PIWIL1: variants seen among roughly 807,000 people sequenced by gnomAD.
PIWIL1 encodes piwi-like protein 1.
PIWIL1 carries 73 observed loss-of-function variants against 114.4 expected under a neutral mutation model. The ratio of observed to expected loss-of-function variants is 0.64; its 90% CI spans 0.53 to 0.78. The LOEUF (loss-of-function observed/expected upper bound fraction) is 0.78, where lower values mean the gene tolerates loss of function less well. PIWIL1 is among the 30% of genes least tolerant of loss of function. The pLI is 0.00. For missense variants in PIWIL1, 723 were observed against 1,063.1 expected, an observed-to-expected ratio of 0.68 and a Z score of 4.45; for synonymous variants, 375 against 369.0, an observed-to-expected ratio of 1.02 and a Z score of -0.19.
At chr12:130,348,729 C>T (rs1052216837) in intron 7 of PIWIL1, among the ~76,000 whole-genome samples, 12 of 152,072 alleles carry the variant, frequency 7.9e-5, no homozygotes, top group African/African-American at 2.9e-4. Context: ...GATGAAACCC[C>T]GTCTCTACTA....
the PIWIL1 span, among the ~76,000 whole-genome samples, chr12:130,419,083 G>A: frequency 6.6e-6 from 1 of 152,232 alleles, no homozygotes; most frequent in Non-Finnish European, 1.5e-5. This position sits in a 1 kb window ranked among gnomAD's most constrained non-coding sequence, Gnocchi z 4.3. Context: ...TGCACTGGAT[G>A]TGTTATGAGC....
the PIWIL1 span, chr12:130,396,261 A>G: frequency 6.5e-6 from 1 of 152,828 alleles, no homozygotes; most frequent in East Asian, 1.9e-4. Flanking sequence ...CTATTATATT[A>G]CAATTTATAA....
the PIWIL1 span, among the ~76,000 whole-genome samples, chr12:130,402,174 A>AGC: frequency 6.6e-6 from 1 of 152,120 alleles, no homozygotes; most frequent in South Asian, 2.1e-4. Context: ...TGACGACGGG[A>AGC]CTTGCTCGCG....
rs892468111 is a variant in PIWIL1, at chr12:130,372,230, A to G, written c.*632A>G. ...TTAAGACTCTTTAACAAAAAAGGCC[A>G]TGAGTAAATCTCTATATTAACATTA... On this transcript the variant is annotated 3_prime_UTR_variant, in exon 21 of 21. Transcript: ENST00000245255. 2 of 152,194 alleles carry G rather than the reference A, an allele frequency of 1.3e-5. No individual in the cohort carries two copies. Among genetic ancestry groups the G allele is most frequent in the Non-Finnish European group, 2.9e-5 (2 of 68,032 alleles). The allele number at this position is 152,194 out of a possible 1,614,324, so 9.4% of individuals were successfully genotyped here. A position where few individuals can be genotyped will look rare whatever the true frequency, so the allele number is the denominator to read the frequency against.
chr12:130,353,366 G>T (rs909777895), intron 9 of PIWIL1, among the ~76,000 whole-genome samples: 1 of 149,262 alleles, frequency 6.7e-6, no homozygotes, highest in Non-Finnish European at 1.5e-5. Flanking sequence ...TGTTCTTCTG[G>T]TGTGCTCAGT....
the PIWIL1 span, chr12:130,407,630 T>G: frequency 6.3e-6 from 6 of 952,260 alleles, no homozygotes; most frequent in Non-Finnish European, 6.9e-6. Context: ...AGAGAAGGAA[T>G]GAGGAGGTGA....
the PIWIL1 span, chr12:130,424,923 C>G: frequency 1.0e-6 from 1 of 994,180 alleles, no homozygotes; most frequent in South Asian, 5.2e-5. This position sits in a 1 kb window ranked among gnomAD's most constrained non-coding sequence, Gnocchi z 9.8. Context: ...AAGTGGGGGC[C>G]AGGGGAGGAA....
the PIWIL1 span, among the ~76,000 whole-genome samples, chr12:130,393,664 T>C: frequency 2.8e-4 from 43 of 152,286 alleles, no homozygotes; most frequent in African/African-American, 9.4e-4. Flanking sequence ...GATTTTTTTG[T>C]GAATTTACCA....
the PIWIL1 span, among the ~76,000 whole-genome samples, chr12:130,393,964 A>C: frequency 6.6e-6 from 1 of 152,088 alleles, no homozygotes; most frequent in African/African-American, 2.4e-5. Flanking sequence ...CAGCTAGTGA[A>C]GTTGGGCATT....
the PIWIL1 span, among the ~76,000 whole-genome samples, chr12:130,421,355 T>C: frequency 2.0e-5 from 3 of 152,340 alleles, no homozygotes; most frequent in African/African-American, 4.8e-5. Flanking sequence ...TAAGGATCTT[T>C]AACATTGCAT....
the PIWIL1 span, among the ~76,000 whole-genome samples, chr12:130,423,313 G>GGCTGCGGGCT: frequency 6.6e-6 from 1 of 152,220 alleles, no homozygotes; most frequent in Non-Finnish European, 1.5e-5. Flanking sequence ...GGGCAGGGGA[G>GGCTGCGGGCT]GCTGCGGGCT....
intron 19 of PIWIL1, 26 bp downstream of exon 19, chr12:130,367,284 G>A (rs2073686110): frequency 6.3e-7 from 1 of 1,591,744 alleles, no homozygotes; most frequent in Non-Finnish European, 8.6e-7. Flanking sequence ...TGAGCTGAAG[G>A]TTGTTTTCTC....
chr12:130,349,537 T>C (rs1423320848), intron 8 of PIWIL1, 101 bp downstream of exon 8: 22 of 798,720 alleles, frequency 2.8e-5, no homozygotes. Context: ...AATTGAGTGG[T>C]GGGAATAGCA....
At chr12:130,396,011 T>TG in the PIWIL1 span, 4 of 35,910 alleles carry the variant, frequency 1.1e-4, no homozygotes, top group South Asian at 1.2e-3. Context: ...AAATTATTTT[T>TG]GGAAAAAAAA....
At chr12:130,405,258 CAT>C in the PIWIL1 span, among the ~76,000 whole-genome samples, 25 of 152,310 alleles carry the variant, frequency 1.6e-4, 1 homozygote, top group East Asian at 4.4e-3. Flanking sequence ...ATTTGAAACA[CAT>C]GTGACAAAGT....
intron 1 of PIWIL1, among the ~76,000 whole-genome samples, chr12:130,340,638 AGGGGGGGTGGGG>A (rs2072889038): frequency 3.2e-4 from 1 of 3,158 alleles, no homozygotes; most frequent in Admixed American, 3.5e-3. Context: ...TGGTTGGGGG[AGGGGGGGTGGGG>A]GGAGGGGGGT....
the PIWIL1 span, among the ~76,000 whole-genome samples, chr12:130,392,280 A>G: frequency 6.7e-6 from 1 of 149,644 alleles, no homozygotes; most frequent in African/African-American, 2.5e-5. Context: ...TACCTGGTGA[A>G]TATTGAACGT....
chr12:130,409,146 C>T, the PIWIL1 span, among the ~76,000 whole-genome samples: 1 of 152,160 alleles, frequency 6.6e-6, no homozygotes, highest in African/African-American at 2.4e-5. Flanking sequence ...AAGGCTCACT[C>T]TTCCCAGCGT....
the PIWIL1 span, among the ~76,000 whole-genome samples, chr12:130,385,406 C>CT: frequency 1.3e-5 from 2 of 152,214 alleles, no homozygotes; most frequent in Non-Finnish European, 2.9e-5. Flanking sequence ...AGTTCATTTG[C>CT]TGTGCTGCTT....
Sources: allele counts gnomAD v4.1 joint callset (sites outside exome capture counted in the v4.1 genomes callset), GRCh38; gene constraint gnomAD v4.1.1; non-coding constraint Gnocchi (gnomAD v3.1); transcripts MANE v1.5; gene names NCBI Gene and HGNC (gene_info 2026-07-23, HGNC 2026-07-21).